The following SLC9A1 variants were observed in gnomAD, a reference collection of about 807,000 sequenced individuals.
SLC9A1 encodes the protein solute carrier family 9 member A1.
SLC9A1 carries 22 observed loss-of-function variants against 67.9 expected under a neutral mutation model. That is an observed-to-expected ratio of 0.32 (90% confidence interval 0.23 to 0.46). The LOEUF (loss-of-function observed/expected upper bound fraction) is 0.46, where lower values mean the gene tolerates loss of function less well. Among genes scored for constraint, SLC9A1 ranks in the 20% least tolerant of loss-of-function variants. SLC9A1 has a pLI of 1.00. For missense variants in SLC9A1, 686 were observed against 1,094.8 expected, an observed-to-expected ratio of 0.63 and a Z score of 5.27; for synonymous variants, 421 against 471.8, an observed-to-expected ratio of 0.89 and a Z score of 1.40.
In SLC9A1 at chr1:27,100,619, C is replaced by G; in HGVS notation, c.2136G>C (p.Glu712Asp). ...GSDPLAYEPK[E>D]DLPVITIDPA... ...GGTCGATGGTGATGACAGGCAGGTC[C>G]TCCTTCGGCTCATAGGCCAGTGGGT... is the stretch of plus-strand genomic sequence containing the variant. The change falls in exon 12 of 12, where the codon GAG (glutamate) becomes GAC (aspartate). Residue 712 changes from glutamate to aspartate, a missense_variant. Physicochemically the swap from Glu to Asp is conservative, Grantham distance 45. Coordinates refer to ENST00000263980, the MANE Select transcript of SLC9A1 (RefSeq NM_003047.5). This position sits in a 1 kb window ranked among gnomAD's most constrained non-coding sequence, Gnocchi z 5.6. 6.2e-7 allele frequency: 1 copy of G among 1,610,722 alleles called. No homozygotes were observed. The highest frequency in any genetic ancestry group is 8.5e-7 in the Non-Finnish European group (1 of 1,177,968).
At chr1:27,149,738 C>T (rs2083514526) in intron 1 of SLC9A1, among the ~76,000 whole-genome samples, 1 of 152,204 alleles carries the variant, frequency 6.6e-6, no homozygotes, top group East Asian at 1.9e-4. Context: ...GTGCATGAAC[C>T]TCAAGGTTCA....
At chr1:27,153,809 G>C (rs1298153497) in intron 1 of SLC9A1, among the ~76,000 whole-genome samples, 174 bp downstream of exon 1, 1 of 152,164 alleles carries the variant, frequency 6.6e-6, no homozygotes, top group African/African-American at 2.4e-5. Context: ...TCAGATCACA[G>C]ATCAGAAGCC....
Position 27,101,358 on chromosome 1 carries a change from C to A in SLC9A1, c.2038-83G>T. 9.3e-7 allele frequency: 1 copy of A among 1,078,984 alleles called. No homozygotes were observed. Among genetic ancestry groups the A allele is most frequent in the Non-Finnish European group, 1.4e-6 (1 of 714,614 alleles). 66.8% of individuals were successfully genotyped at this position (1,078,984 alleles called of 1,614,324 possible). On this transcript the variant is annotated intron_variant, in intron 10 of 11. Transcript: ENST00000263980. This position sits in a 1 kb window ranked among gnomAD's most constrained non-coding sequence, Gnocchi z 4.9. ...GACAGAACCCGGCCAGTGCACACCC[C>A]ACCTTTCGTATATGCAGGGCGCTTG...
At chr1:27,117,000 C>T (rs529408270) in intron 1 of SLC9A1, among the ~76,000 whole-genome samples, 1 of 152,256 alleles carries the variant, frequency 6.6e-6, no homozygotes, top group South Asian at 2.1e-4. Flanking sequence ...CCCTGACCAC[C>T]ACCTGTCTGC....
rs770321986 is a variant in SLC9A1, at chr1:27,105,987, G to A, written c.1383C>T (p.Ile461=). 6.2e-6 allele frequency: 10 copies of A among 1,613,496 alleles called. No homozygotes were observed. Among genetic ancestry groups the A allele is most frequent in the Middle Eastern group, 1.6e-4 (1 of 6,062 alleles). The change falls in exon 5 of 12, where the codon ATC becomes ATT. Residue 461 remains isoleucine (I), a synonymous_variant. Coordinates refer to ENST00000263980, the MANE Select transcript of SLC9A1 (RefSeq NM_003047.5). ...IIAYGGLRGA[I]AFSLGYLLDK... is the part of the protein sequence containing the mutation. ...CCAGGAGGTAGCCCAGAGAGAAGGC[G>A]ATGGCCCCTCGCAGGCCCCCATAGG... is the stretch of plus-strand genomic sequence containing the variant.
intron 1 of SLC9A1, among the ~76,000 whole-genome samples, chr1:27,117,280 G>A (rs1460868672): frequency 6.6e-6 from 1 of 152,184 alleles, no homozygotes; most frequent in Non-Finnish European, 1.5e-5. Flanking sequence ...CCTTCCCAAG[G>A]CCGGAAGTCC....
intron 1 of SLC9A1, among the ~76,000 whole-genome samples, chr1:27,129,005 T>C (rs1028109692): frequency 2.6e-5 from 4 of 152,136 alleles, no homozygotes; most frequent in Non-Finnish European, 5.9e-5. Flanking sequence ...CACGCACGCA[T>C]GCCAGACACT....
At chr1:27,102,624 G>A (rs2083155546) in intron 7 of SLC9A1, 49 bp downstream of exon 7, 2 of 1,612,286 alleles carry the variant, frequency 1.2e-6, no homozygotes, top group Middle Eastern at 1.6e-4. Context: ...CCAGGCCCAG[G>A]AGACCCTTGC....
chr1:27,153,975 G>A lies in SLC9A1; in HGVS notation c.352+8C>T. The A allele has an allele frequency of 6.5e-7, 1 of 1,537,852 alleles. No individual in the cohort carries two copies. Among genetic ancestry groups the A allele is most frequent in the Non-Finnish European group, 8.8e-7 (1 of 1,134,080 alleles). On this transcript the variant is annotated splice_region_variant and intron_variant, in intron 1 of 11. Coordinates refer to ENST00000263980, the MANE Select transcript of SLC9A1 (RefSeq NM_003047.5). ...GGCGGCCGCAGCATCGGAGCAAACG[G>A]GACTTACCTATCTTCATGAGGCAGG...
intron 5 of SLC9A1, chr1:27,105,673 A>C: frequency 1.4e-6 from 1 of 710,970 alleles, no homozygotes; most frequent in Non-Finnish European, 2.6e-6. Context: ...CATTCTGATC[A>C]GTCACTCTGC....
In SLC9A1 at chr1:27,154,129, G is replaced by C. The variant is rs1037025332; in HGVS notation, c.206C>G (p.Pro69Arg). 1.9e-6 allele frequency: 3 copies of C among 1,614,032 alleles called. No homozygotes were observed. The highest frequency in any genetic ancestry group is 1.3e-5 in the African/African-American group (1 of 74,930). The change falls in exon 1 of 12, where the codon CCA (proline) becomes CGA (arginine). Residue 69 changes from proline to arginine, a missense_variant. Physicochemically the swap from Pro to Arg is moderately radical, Grantham distance 103. Coordinates refer to ENST00000263980, the MANE Select transcript of SLC9A1 (RefSeq NM_003047.5). ...DVTTAPPEVT[P>R]ESRPVNHSVT... ...GGAATGATTAACAGGGCGGCTCTCT[G>C]GGGTGACCTCCGGTGGAGCGGTGGT...
At chr1:27,139,651 T>C (rs1012566348) in intron 1 of SLC9A1, among the ~76,000 whole-genome samples, 1 of 152,132 alleles carries the variant, frequency 6.6e-6, no homozygotes, top group African/African-American at 2.4e-5. Context: ...TGAGGCGTGT[T>C]TGGGGGTGAG....
intron 1 of SLC9A1, among the ~76,000 whole-genome samples, chr1:27,134,947 G>C (rs1477207516): frequency 2.0e-5 from 3 of 151,578 alleles, no homozygotes; most frequent in African/African-American, 7.3e-5. Context: ...ATGTTGGCCA[G>C]GCTGGTCTCC....
chr1:27,135,523 T>TG (rs1199532875), intron 1 of SLC9A1, among the ~76,000 whole-genome samples: 18 of 83,072 alleles, frequency 2.2e-4, no homozygotes, highest in South Asian at 4.2e-4. Context: ...TCCTTTTTTC[T>TG]GGAAAAAAAA....
chr1:27,151,752 A>C (rs979833049), intron 1 of SLC9A1, among the ~76,000 whole-genome samples: 7 of 152,218 alleles, frequency 4.6e-5, no homozygotes, highest in African/African-American at 1.7e-4. Flanking sequence ...GCAAAGGTGA[A>C]GCTGGGAAAA....
chr1:27,116,367 A>G (rs1458458353), intron 1 of SLC9A1, among the ~76,000 whole-genome samples: 4 of 152,082 alleles, frequency 2.6e-5, no homozygotes, highest in Admixed American at 1.3e-4. Flanking sequence ...CCTGGGCAAC[A>G]GAGCAAGACT....
rs900853216 is a variant in SLC9A1 at position 27,106,486 on chromosome 1, G to T, written c.1283-399C>A. On this transcript the variant is annotated intron_variant, in intron 4 of 11. Coordinates refer to ENST00000263980, the MANE Select transcript of SLC9A1 (RefSeq NM_003047.5). This position sits in a 1 kb window ranked among gnomAD's most constrained non-coding sequence, Gnocchi z 4.3. ...TTTTCCATAATAAAGCATAAAAAAT[G>T]CAGAGGGCTGGGCCCAACCTCCACC... 6.6e-6 allele frequency among the ~76,000 whole-genome samples: 1 copy of T among 152,088 alleles called. No homozygotes were observed. The highest frequency in any genetic ancestry group is 6.6e-5 in the Admixed American group (1 of 15,260).
intron 1 of SLC9A1, among the ~76,000 whole-genome samples, chr1:27,131,993 C>T (rs922785618): frequency 7.2e-6 from 1 of 138,028 alleles, no homozygotes; most frequent in Admixed American, 7.2e-5. Flanking sequence ...TATGGCTACA[C>T]TTATTGAAGG....
chr1:27,152,279 G>C (rs2083534650), intron 1 of SLC9A1, among the ~76,000 whole-genome samples: 2 of 152,194 alleles, frequency 1.3e-5, no homozygotes, highest in Non-Finnish European at 2.9e-5. Flanking sequence ...CTGCAGTCAT[G>C]CTGTCATCCC....
Sources: gnomAD v4.1 joint callset for allele counts (sites outside exome capture counted in the v4.1 genomes callset) on GRCh38, gnomAD v4.1.1 for gene constraint, Gnocchi (gnomAD v3.1) non-coding constraint, MANE v1.5 for transcripts, NCBI Gene and HGNC (gene_info 2026-07-23, HGNC 2026-07-21) for gene names.